MAP4K3: variants seen among roughly 807,000 people sequenced by gnomAD.
MAP4K3 encodes mitogen-activated protein kinase kinase kinase kinase 3, also known as MAPK/ERK kinase kinase kinase 3.
A neutral mutation model predicts 143.5 loss-of-function variants in MAP4K3; 94 were observed. The observed-to-expected ratio is 0.65, with a 90% CI of 0.55 to 0.78. The LOEUF (loss-of-function observed/expected upper bound fraction) is 0.78, where lower values mean the gene tolerates loss of function less well. Ranked by LOEUF, MAP4K3 falls within the 30% of genes least tolerant of loss-of-function variation. The probability of loss-of-function intolerance (pLI) is 0.00; values close to 1 mark genes in which losing one functional copy is unlikely to be tolerated. For synonymous variants in MAP4K3, 416 were observed against 347.2 expected (o/e 1.20, Z -2.20); for missense variants, 1,077 against 1,068.1 (o/e 1.01, Z -0.12).
intron 2 of MAP4K3, among the ~76,000 whole-genome samples, chr2:39,367,193 C>T (rs1665946564): frequency 6.6e-6 from 1 of 152,132 alleles, no homozygotes; most frequent in African/African-American, 2.4e-5. Flanking sequence ...ACTGAATGGC[C>T]TTTGAACTTG....
chr2:39,318,550 A>G (rs1402966749), intron 12 of MAP4K3, among the ~76,000 whole-genome samples: 1 of 152,166 alleles, frequency 6.6e-6, no homozygotes, highest in Non-Finnish European at 1.5e-5. Context: ...GACACCTGCG[A>G]TAACGGGCTT....
In MAP4K3 at chr2:39,360,182, A is replaced by C. The variant is rs1665726139; in HGVS notation, c.155-3843T>G. 2.6e-5 allele frequency among the ~76,000 whole-genome samples: 4 copies of C among 152,294 alleles called. No individual in the cohort carries two copies. The South Asian group carries it at 8.3e-4, about 32-fold the overall frequency. On this transcript the variant is annotated intron_variant, in intron 2 of 33. Transcript: ENST00000263881. ...TACCCTAATCATCTCTCTCAAGTTC[A>C]AAGCTCCATAGATCTCTAGGGCAGG...
chr2:39,334,468 C>T lies in MAP4K3; in HGVS notation c.415-894G>A, dbSNP rs184863152. On this transcript the variant is annotated intron_variant, in intron 6 of 33. Coordinates refer to ENST00000263881, the MANE Select transcript of MAP4K3 (RefSeq NM_003618.4). ...GGAGAAAAAAAAAGGCTCCTAAACT[C>T]CAAATGTCACCAGTGAAGCTGAGCT... Among the ~76,000 whole-genome samples, 105 of 152,168 alleles carry T rather than the reference C, an allele frequency of 6.9e-4. 1 individual carries two copies. The highest frequency in any genetic ancestry group is 2.5e-3 in the African/African-American group (103 of 41,494).
intron 1 of MAP4K3, among the ~76,000 whole-genome samples, chr2:39,394,933 A>T (rs1165567318): frequency 6.6e-6 from 1 of 152,148 alleles, no homozygotes. Context: ...AATCCATCAG[A>T]CTCTAATTAT....
intron 2 of MAP4K3, among the ~76,000 whole-genome samples, chr2:39,365,132 C>T (rs1388054568): frequency 6.6e-6 from 1 of 152,154 alleles, no homozygotes; most frequent in East Asian, 1.9e-4. Flanking sequence ...CTATTTCTTT[C>T]AGGGCCTGCT....
At chr2:39,400,709 TTTAA>T (rs992122616) in intron 1 of MAP4K3, among the ~76,000 whole-genome samples, 37 of 152,228 alleles carry the variant, frequency 2.4e-4, no homozygotes, top group South Asian at 1.7e-3. Flanking sequence ...TATCTATAGC[TTTAA>T]TTGTTTTTCA....
chr2:39,286,639 C>T (rs934487340), intron 21 of MAP4K3, among the ~76,000 whole-genome samples: 2 of 151,976 alleles, frequency 1.3e-5, no homozygotes, highest in African/African-American at 2.4e-5. Context: ...ATAATGTAAA[C>T]GATAAAAAGC....
intron 18 of MAP4K3, among the ~76,000 whole-genome samples, chr2:39,291,093 A>T (rs1031209950): frequency 5.3e-5 from 8 of 152,086 alleles, no homozygotes; most frequent in Admixed American, 3.3e-4. Flanking sequence ...AAAAACCAAT[A>T]ATGTGTTATT....
At chr2:39,375,287 A>G (rs187348352) in intron 2 of MAP4K3, among the ~76,000 whole-genome samples, 35 of 152,128 alleles carry the variant, frequency 2.3e-4, no homozygotes, top group African/African-American at 8.0e-4. Context: ...ACCTTAGAAA[A>G]ATGTGAGCGT....
At chr2:39,305,813 A>G (rs925369092) in intron 15 of MAP4K3, among the ~76,000 whole-genome samples, 2 of 151,964 alleles carry the variant, frequency 1.3e-5, no homozygotes, top group African/African-American at 2.4e-5. Flanking sequence ...CATGTGGCAC[A>G]GAAAAGAGTA....
Position 39,383,786 on chromosome 2 carries a change from T to C in MAP4K3, c.97-5663A>G, listed in dbSNP as rs140041341. Reference sequence around the variant, plus strand: ...TCTCTAAAATAGGGATCAGCAAACATGTCTATTTTTGTAAATAAAAGTTTT... The same window carrying C: ...TCTCTAAAATAGGGATCAGCAAACACGTCTATTTTTGTAAATAAAAGTTTT... On this transcript the variant is annotated intron_variant, in intron 1 of 33. Transcript: ENST00000263881. 4.5e-3 allele frequency among the ~76,000 whole-genome samples: 679 copies of C among 149,506 alleles called. 7 individuals carry two copies. The highest frequency in any genetic ancestry group is 0.016 in the African/African-American group (627 of 38,936).
At chr2:39,297,720 C>T (rs1035049091) in intron 16 of MAP4K3, among the ~76,000 whole-genome samples, 1 of 152,142 alleles carries the variant, frequency 6.6e-6, no homozygotes, top group Non-Finnish European at 1.5e-5. Context: ...CATATCAATA[C>T]AGCAAGAGAA....
chr2:39,325,837 T>C (rs772899733), intron 10 of MAP4K3, 26 bp from the exon 11 acceptor site: 3 of 1,575,634 alleles, frequency 1.9e-6, no homozygotes, highest in South Asian at 1.2e-5. Flanking sequence ...AATTAGACTT[T>C]TACATTCCAA....
intron 18 of MAP4K3, 71 bp from the exon 19 acceptor site, chr2:39,290,405 T>C (rs1681991910): frequency 2.0e-6 from 2 of 998,512 alleles, no homozygotes; most frequent in Non-Finnish European, 3.0e-6. Context: ...TATAATAATT[T>C]TTTCAAAGAC....
chr2:39,362,586 T>C (rs1266300589), intron 2 of MAP4K3, among the ~76,000 whole-genome samples: 1 of 152,206 alleles, frequency 6.6e-6, no homozygotes, highest in Non-Finnish European at 1.5e-5. Context: ...GCCATGTTTA[T>C]GGACTGAAAG....
At chr2:39,354,509 T>C (rs1447043446) in intron 3 of MAP4K3, among the ~76,000 whole-genome samples, 2 of 151,062 alleles carry the variant, frequency 1.3e-5, no homozygotes, top group Admixed American at 6.6e-5. Flanking sequence ...TCCTAGCTAC[T>C]TGGGAAGCTG....
intron 1 of MAP4K3, among the ~76,000 whole-genome samples, chr2:39,420,275 A>G (rs1667509632): frequency 6.6e-6 from 1 of 152,242 alleles, no homozygotes; most frequent in South Asian, 2.1e-4. Context: ...AGTAACTTAT[A>G]ATACTTAAAA....
chr2:39,345,410 T>G (rs1220131359), intron 3 of MAP4K3, among the ~76,000 whole-genome samples: 1 of 152,052 alleles, frequency 6.6e-6, no homozygotes, highest in Non-Finnish European at 1.5e-5. Flanking sequence ...GACCGAGATC[T>G]GAATCTTAAA....
intron 2 of MAP4K3, among the ~76,000 whole-genome samples, chr2:39,372,644 G>T (rs913670026): frequency 6.6e-6 from 1 of 152,078 alleles, no homozygotes; most frequent in Non-Finnish European, 1.5e-5. Flanking sequence ...GACATGTACA[G>T]TGAATGCATT....
Sources: allele counts gnomAD v4.1 joint callset (sites outside exome capture counted in the v4.1 genomes callset), GRCh38; gene constraint gnomAD v4.1.1; transcripts MANE v1.5; gene names NCBI Gene and HGNC (gene_info 2026-07-23, HGNC 2026-07-21).